The following ROR2 variants were observed in gnomAD, a reference collection of about 807,000 sequenced individuals.
ROR2 encodes the protein tyrosine-protein kinase transmembrane receptor ROR2.
ROR2 carries 33 observed loss-of-function variants against 74.9 expected under a neutral mutation model. The ratio of observed to expected loss-of-function variants is 0.44; its 90% confidence interval spans 0.33 to 0.59. ROR2 has a LOEUF of 0.59. Ranked by LOEUF, ROR2 falls within the 20% of genes least tolerant of loss-of-function variation. ROR2 has a pLI of 0.02. For synonymous variants in ROR2, 586 were observed against 558.7 expected, an observed-to-expected ratio of 1.05 and a Z score of -0.69; for missense variants, 1,216 against 1,313.8, an observed-to-expected ratio of 0.93 and a Z score of 1.15.
At chr9:91,895,753 G>C (rs1439589863) in intron 1 of ROR2, among the ~76,000 whole-genome samples, 1 of 152,184 alleles carries the variant, frequency 6.6e-6, no homozygotes, top group East Asian at 1.9e-4. Context: ...TGACACGGGA[G>C]AATTCGCTTG....
intron 2 of ROR2, among the ~76,000 whole-genome samples, chr9:91,768,408 C>CG (rs1383560807): frequency 2.0e-5 from 3 of 152,320 alleles, no homozygotes; most frequent in African/African-American, 7.2e-5. Context: ...CCCAAAGAGA[C>CG]AGAGACATGG....
intron 1 of ROR2, among the ~76,000 whole-genome samples, chr9:91,928,508 C>A (rs1361863983): frequency 6.6e-6 from 1 of 152,154 alleles, no homozygotes; most frequent in Non-Finnish European, 1.5e-5. Context: ...CACCGCTGAC[C>A]CTGGGCAAGG....
At chr9:91,834,000 C>T (rs1284149757) in intron 1 of ROR2, among the ~76,000 whole-genome samples, 1 of 152,144 alleles carries the variant, frequency 6.6e-6, no homozygotes, top group African/African-American at 2.4e-5. Flanking sequence ...GAGGACACTG[C>T]GTGGAGAGTG....
At chr9:91,799,127 C>G (rs1377744478) in intron 1 of ROR2, among the ~76,000 whole-genome samples, 1 of 152,174 alleles carries the variant, frequency 6.6e-6, no homozygotes, top group Non-Finnish European at 1.5e-5. Flanking sequence ...GTGGTGGAGC[C>G]AAGTTGTGAT....
chr9:91,916,096 T>A (rs900323572), intron 1 of ROR2, among the ~76,000 whole-genome samples: 8 of 152,328 alleles, frequency 5.3e-5, no homozygotes, highest in African/African-American at 1.9e-4. Context: ...ACATCTTGGC[T>A]GTAACTCATT....
chr9:91,935,309 G>T (rs1831653876), intron 1 of ROR2, among the ~76,000 whole-genome samples: 1 of 152,238 alleles, frequency 6.6e-6, no homozygotes, highest in African/African-American at 2.4e-5. Flanking sequence ...AAAAGCTGGA[G>T]GAGCAAACGC....
chr9:91,806,143 A>C (rs1167544580), intron 1 of ROR2, among the ~76,000 whole-genome samples: 1 of 152,232 alleles, frequency 6.6e-6, no homozygotes, highest in Non-Finnish European at 1.5e-5. Flanking sequence ...AAATAGGGAC[A>C]GGGGGTTCTC....
chr9:91,806,032 C>A (rs1171458107), intron 1 of ROR2, among the ~76,000 whole-genome samples: 1 of 152,210 alleles, frequency 6.6e-6, no homozygotes, highest in Non-Finnish European at 1.5e-5. Context: ...TGAAAAAGTA[C>A]AACTGCATAC....
intron 1 of ROR2, among the ~76,000 whole-genome samples, chr9:91,784,494 G>A (rs1826728146): frequency 6.6e-6 from 1 of 152,188 alleles, no homozygotes; most frequent in African/African-American, 2.4e-5. Flanking sequence ...CTCACACTAA[G>A]TTCAAAGGCA....
intron 1 of ROR2, among the ~76,000 whole-genome samples, chr9:91,795,112 C>T (rs1023025357): frequency 1.3e-5 from 2 of 151,066 alleles, no homozygotes; most frequent in African/African-American, 4.9e-5. Context: ...AGCAAGACTC[C>T]ATCTCAATAG....
At chr9:91,876,049 C>CAAAA (rs112844159) in intron 1 of ROR2, among the ~76,000 whole-genome samples, 2 of 130,046 alleles carry the variant, frequency 1.5e-5, no homozygotes, top group African/African-American at 5.4e-5. Flanking sequence ...CTGCAGGGGG[C>CAAAA]AAAAAAAAAA....
intron 1 of ROR2, among the ~76,000 whole-genome samples, chr9:91,899,504 G>T (rs975331484): frequency 6.6e-6 from 1 of 152,124 alleles, no homozygotes. Flanking sequence ...GTGCACACAT[G>T]GGGTAAAGAG....
chr9:91,833,382 A>T (rs1053555093), intron 1 of ROR2, among the ~76,000 whole-genome samples: 37 of 151,366 alleles, frequency 2.4e-4, no homozygotes, highest in African/African-American at 8.5e-4. Context: ...CTGTATCGTG[A>T]CTCCCAGCTT....
intron 5 of ROR2, among the ~76,000 whole-genome samples, chr9:91,734,189 A>G (rs1240501848): frequency 6.6e-6 from 1 of 152,174 alleles, no homozygotes; most frequent in Non-Finnish European, 1.5e-5. Context: ...CCTGGGGTGC[A>G]TGGCTGGACA....
chr9:91,775,956 G>T, intron 1 of ROR2, 138 bp from the exon 2 acceptor site: 1 of 740,114 alleles, frequency 1.4e-6, no homozygotes. Flanking sequence ...AAGACATTAT[G>T]GTAACCTCTA....
chr9:91,758,912 T>C (rs1236964944), intron 2 of ROR2, among the ~76,000 whole-genome samples: 1 of 152,260 alleles, frequency 6.6e-6, no homozygotes, highest in Non-Finnish European at 1.5e-5. Context: ...ATTCTGTTAA[T>C]GTAACATGTA....
At chr9:91,893,643 G>A (rs1038477699) in intron 1 of ROR2, among the ~76,000 whole-genome samples, 5 of 152,018 alleles carry the variant, frequency 3.3e-5, no homozygotes, top group African/African-American at 1.2e-4. Context: ...ATCTCAGAGG[G>A]CCCAGACTAA....
chr9:91,775,837 G>A lies in ROR2; in HGVS notation c.98-19C>T. 1.2e-6 allele frequency: 2 copies of A among 1,610,968 alleles called. No individual in the cohort carries two copies. Among genetic ancestry groups the A allele is most frequent in the South Asian group, 1.1e-5 (1 of 90,900 alleles). On this transcript the variant is annotated intron_variant, in intron 1 of 8. Coordinates refer to ENST00000375708, the MANE Select transcript of ROR2 (RefSeq NM_004560.4). The stretch of plus-strand genomic sequence containing the variant: ...ACTTCACCTGGGAAAAAGAAACCAG[G>A]ATAGGTATTAAACAAGTTTTCCTTT...
chr9:91,775,653 C>A, intron 2 of ROR2, 88 bp downstream of exon 2: 2 of 1,248,906 alleles, frequency 1.6e-6, no homozygotes, highest in Non-Finnish European at 2.3e-6. Context: ...GGACCCCCAG[C>A]GCCTTCCTTC....
Sources: allele counts gnomAD v4.1 joint callset (sites outside exome capture counted in the v4.1 genomes callset), GRCh38; gene constraint gnomAD v4.1.1; transcripts MANE v1.5; gene names NCBI Gene and HGNC (gene_info 2026-07-23, HGNC 2026-07-21).